The following NAALADL2 variants were observed in gnomAD, a reference collection of about 807,000 sequenced individuals.
NAALADL2 encodes N-acetylated alpha-linked acidic dipeptidase like 2, also known as inactive N-acetylated-alpha-linked acidic dipeptidase-like protein 2.
In NAALADL2, 76 loss-of-function variants were observed where a neutral mutation model predicts 87.2. The observed-to-expected ratio is 0.87, with a 90% CI of 0.72 to 1.05. The LOEUF (loss-of-function observed/expected upper bound fraction) is 1.05. NAALADL2 is among the 50% of genes least tolerant of loss of function. NAALADL2 has a pLI of 0.00. For synonymous variants in NAALADL2, 354 were observed against 331.0 expected, an observed-to-expected ratio of 1.07 and a Z score of -0.75; for missense variants, 1,089 against 945.8, an observed-to-expected ratio of 1.15 and a Z score of -1.99.
intron 11 of NAALADL2, among the ~76,000 whole-genome samples, chr3:175,721,376 C>T (rs1742218571): frequency 6.6e-6 from 1 of 151,982 alleles, no homozygotes; most frequent in African/African-American, 2.4e-5. Flanking sequence ...GCAAATGTAC[C>T]TGTAATTATA....
chr3:175,131,975 G>T (rs1728031202), intron 2 of NAALADL2, among the ~76,000 whole-genome samples: 1 of 123,274 alleles, frequency 8.1e-6, no homozygotes, highest in Non-Finnish European at 1.7e-5. Context: ...CTCCCGGACG[G>T]GGCAGCTGGC....
chr3:174,946,714 G>A (rs979054598), intron 1 of NAALADL2, among the ~76,000 whole-genome samples: 1 of 152,078 alleles, frequency 6.6e-6, no homozygotes, highest in African/African-American at 2.4e-5. Context: ...AGGGAGGGAA[G>A]AACGGAGAAA....
At position 175,368,881 on chromosome 3, in the gene NAALADL2, C is replaced by G. The variant is rs140590498; in HGVS notation, c.1090+44556C>G. 1.3e-4 allele frequency among the ~76,000 whole-genome samples: 19 copies of G among 151,980 alleles called. No homozygotes were observed. The East Asian group carries it at 3.3e-3, about 26-fold the overall frequency. On this transcript the variant is annotated intron_variant, in intron 5 of 13. Transcript: ENST00000454872. ...AACATATCTAAACACAGAAAAGGTA[C>G]AGCGAAATATGATATAAAAGATTAA...
chr3:175,324,033 A>C (rs1210029468), intron 4 of NAALADL2, 142 bp from the exon 5 acceptor site: 23 of 617,688 alleles, frequency 3.7e-5, no homozygotes, highest in South Asian at 7.9e-5. Context: ...ACAAACAAAA[A>C]AAAAAAAAAA....
intron 1 of NAALADL2, among the ~76,000 whole-genome samples, chr3:174,860,072 G>A (rs558687367): frequency 6.6e-6 from 1 of 152,032 alleles, no homozygotes; most frequent in Admixed American, 6.6e-5. Flanking sequence ...CTTGTTCACC[G>A]AAACAAATTT....
intron 9 of NAALADL2, among the ~76,000 whole-genome samples, chr3:175,495,750 G>C (rs1728720937): frequency 6.6e-6 from 1 of 151,652 alleles, no homozygotes; most frequent in Admixed American, 6.6e-5. Flanking sequence ...CTGTGTTTTT[G>C]AGAGTCTATA....
At chr3:174,642,096 A>G (rs1294950188) in intron 2 of NAALADL2, among the ~76,000 whole-genome samples, 1 of 152,190 alleles carries the variant, frequency 6.6e-6, no homozygotes, top group Non-Finnish European at 1.5e-5. Context: ...ATGGCCCTTA[A>G]TATTCACATG....
chr3:174,728,570 C>G (rs1329481998), intron 2 of NAALADL2, among the ~76,000 whole-genome samples: 1 of 151,982 alleles, frequency 6.6e-6, no homozygotes, highest in Non-Finnish European at 1.5e-5. Flanking sequence ...TAGTCTCTCA[C>G]CAGTGTACTT....
intron 3 of NAALADL2, among the ~76,000 whole-genome samples, chr3:174,815,191 A>T (rs1320473461): frequency 6.6e-6 from 1 of 152,202 alleles, no homozygotes; most frequent in Non-Finnish European, 1.5e-5. Flanking sequence ...TTAGTTTGCC[A>T]GAGCTGTTGT....
intron 2 of NAALADL2, among the ~76,000 whole-genome samples, chr3:174,607,095 C>T (rs980471040): frequency 2.0e-5 from 3 of 151,978 alleles, no homozygotes; most frequent in African/African-American, 7.3e-5. Context: ...GAAATAAAAT[C>T]CTTTACAGAC....
chr3:175,147,435 G>A (rs1000372337), intron 2 of NAALADL2, among the ~76,000 whole-genome samples: 2 of 152,080 alleles, frequency 1.3e-5, no homozygotes, highest in African/African-American at 4.8e-5. Context: ...CTTTTTTGTG[G>A]CTGTGTAGTA....
intron 2 of NAALADL2, among the ~76,000 whole-genome samples, chr3:174,737,298 G>C (rs946419740): frequency 6.6e-6 from 1 of 152,210 alleles, no homozygotes; most frequent in Admixed American, 6.5e-5. Context: ...ACTGTGCCTG[G>C]CCTGCTTTAT....
intron 13 of NAALADL2, among the ~76,000 whole-genome samples, chr3:175,770,108 G>C (rs560042858): frequency 7.9e-5 from 12 of 152,204 alleles, no homozygotes; most frequent in African/African-American, 2.9e-4. Flanking sequence ...AGCAACATAT[G>C]GACTAGTGTT....
At chr3:174,801,049 T>A (rs1256152290) in intron 3 of NAALADL2, among the ~76,000 whole-genome samples, 1 of 152,184 alleles carries the variant, frequency 6.6e-6, no homozygotes, top group Non-Finnish European at 1.5e-5. Context: ...TTGTCTTGTC[T>A]CAGATGAGAC....
chr3:175,012,492 T>C (rs1434490475), intron 1 of NAALADL2, among the ~76,000 whole-genome samples: 2 of 152,088 alleles, frequency 1.3e-5, no homozygotes, highest in Non-Finnish European at 2.9e-5. Context: ...GAAATGAAAA[T>C]GTTTACTCCT....
At chr3:175,200,696 C>T (rs758666818) in intron 2 of NAALADL2, among the ~76,000 whole-genome samples, 1 of 152,152 alleles carries the variant, frequency 6.6e-6, no homozygotes, top group African/African-American at 2.4e-5. Flanking sequence ...TTTCTCCTAC[C>T]ATTTTTCTTT....
intron 9 of NAALADL2, among the ~76,000 whole-genome samples, chr3:175,557,350 G>A (rs534151500): frequency 5.9e-5 from 9 of 152,072 alleles, no homozygotes; most frequent in Non-Finnish European, 1.3e-4. Flanking sequence ...TCACATCAGG[G>A]TAAATAGGAT....
chr3:175,168,690 G>A (rs1237172616), intron 2 of NAALADL2, among the ~76,000 whole-genome samples: 1 of 151,448 alleles, frequency 6.6e-6, no homozygotes, highest in Non-Finnish European at 1.5e-5. Context: ...TTATTTTTCT[G>A]TTTGTTCTAA....
intron 5 of NAALADL2, among the ~76,000 whole-genome samples, chr3:175,414,955 T>G (rs1714305237): frequency 6.6e-6 from 1 of 152,178 alleles, no homozygotes; most frequent in Non-Finnish European, 1.5e-5. Context: ...GAATAAATGA[T>G]GAACATTACA....
Sources: gnomAD v4.1 joint callset for allele counts (sites outside exome capture counted in the v4.1 genomes callset) on GRCh38, gnomAD v4.1.1 for gene constraint, MANE v1.5 for transcripts, NCBI Gene and HGNC (gene_info 2026-07-23, HGNC 2026-07-21) for gene names.